Variants in POU2F1 observed in about 807,000 individuals in gnomAD.
POU2F1 encodes the protein POU class 2 homeobox 1, also known as POU domain, class 2, transcription factor 1.
Under a neutral mutation model 84.9 loss-of-function variants are expected in POU2F1, and 16 were observed. The observed-to-expected ratio is 0.19, with a 90% CI of 0.13 to 0.29. POU2F1 has a LOEUF of 0.29. Among genes scored for constraint, POU2F1 ranks in the 10% least tolerant of loss-of-function variants. The pLI is 1.00. For synonymous variants in POU2F1, 368 were observed against 368.3 expected (o/e 1.00, Z 0.01); for missense variants, 738 against 942.6 (o/e 0.78, Z 2.84).
intron 9 of POU2F1, among the ~76,000 whole-genome samples, chr1:167,392,873 C>G (rs1038799806): frequency 1.3e-5 from 2 of 152,186 alleles, no homozygotes; most frequent in Admixed American, 1.3e-4. Flanking sequence ...AAAGGTTGCT[C>G]TGTGTCCAAT....
chr1:167,312,621 A>G (rs1655579871), intron 1 of POU2F1, among the ~76,000 whole-genome samples: 1 of 152,136 alleles, frequency 6.6e-6, no homozygotes, highest in Non-Finnish European at 1.5e-5. Flanking sequence ...AGAAAAATAT[A>G]TTTTTATAAA....
chr1:167,241,346 A>AAGG (rs1649888165), intron 1 of POU2F1: 1 of 152,210 alleles, frequency 6.6e-6, no homozygotes, highest in Non-Finnish European at 1.5e-5. Context: ...GTGCCGGGTG[A>AAGG]AATAACTAAA....
In POU2F1 at chr1:167,414,360, T is replaced by A. The variant is rs936846038; in HGVS notation, c.1991-1140T>A. ...CATGATTGACACTCTGAAAAGATACTAAGTTTGGAATCTCAGAAAAACTTC... is the reference window on the plus strand; with the variant it reads ...CATGATTGACACTCTGAAAAGATACAAAGTTTGGAATCTCAGAAAAACTTC... On this transcript the variant is annotated intron_variant, in intron 15 of 15. Coordinates refer to ENST00000367866, the MANE Select transcript of POU2F1 (RefSeq NM_002697.4). The A allele has an allele frequency of 2.8e-5, 28 of 985,420 alleles. No individual in the cohort carries two copies. The African/African-American group carries it at 4.7e-4, about 17-fold the overall frequency. 61.0% of individuals were successfully genotyped at this position (985,420 alleles called of 1,614,324 possible).
chr1:167,220,908 G>A lies in POU2F1; in HGVS notation c.11G>A (p.Gly4Glu), dbSNP rs1571101526. 4.6e-6 allele frequency: 7 copies of A among 1,535,168 alleles called. No homozygotes were observed. The South Asian group carries it at 8.3e-5, about 18-fold the overall frequency. ...GTTAAAATATTCAAAATGGCGGACG[G>A]AGGAGCAGCGAGTCAAGATGAGAGT... MAD[G>E]GAASQDESSA... The change falls in exon 1 of 16, where the codon GGA (glycine) becomes GAA (glutamate). Residue 4 changes from glycine (G) to glutamate (E), a missense_variant. This residue lies in a region of POU2F1 where 161 missense variants were observed against 147.0 expected (regional missense o/e 1.10). Coordinates refer to ENST00000367866, the MANE Select transcript of POU2F1 (RefSeq NM_002697.4).
chr1:167,299,723 C>T lies in POU2F1; in HGVS notation c.62-32747C>T, dbSNP rs529303946. On this transcript the variant is annotated intron_variant, in intron 1 of 15. Coordinates refer to ENST00000367866, the MANE Select transcript of POU2F1 (RefSeq NM_002697.4). The stretch of plus-strand genomic sequence containing the variant: ...TTTTTTTTTTCATTTTATTTTGCTG[C>T]TGTTCCTCACCTAGTTCCAAAGAGT... Among the ~76,000 whole-genome samples, 17 of 129,556 alleles carry T rather than the reference C, an allele frequency of 1.3e-4. No individual in the cohort carries two copies. The South Asian group carries it at 2.8e-3, about 22-fold the overall frequency. The allele number at this position is 129,556 out of a possible 152,430, so 85.0% of individuals were successfully genotyped here. A position where few individuals can be genotyped will look rare whatever the true frequency, so the allele number is the denominator to read the frequency against.
At chr1:167,224,317 A>T (rs1369004250) in intron 1 of POU2F1, among the ~76,000 whole-genome samples, 1 of 152,184 alleles carries the variant, frequency 6.6e-6, no homozygotes, top group Non-Finnish European at 1.5e-5. Context: ...GCTAATGGAG[A>T]GACCATTTGC....
At chr1:167,349,447 A>G (rs1352523745) in intron 2 of POU2F1, among the ~76,000 whole-genome samples, 2 of 152,098 alleles carry the variant, frequency 1.3e-5, no homozygotes, top group Non-Finnish European at 2.9e-5. Context: ...CTGATATTCA[A>G]TATTTTTTCA....
intron 1 of POU2F1, among the ~76,000 whole-genome samples, chr1:167,326,757 T>C (rs1476180060): frequency 6.6e-6 from 1 of 152,092 alleles, no homozygotes; most frequent in Non-Finnish European, 1.5e-5. Flanking sequence ...ACTAGGAAGG[T>C]GCTGCTCCTG....
chr1:167,411,935 C>G (rs367920610), intron 13 of POU2F1, 24 bp from the exon 14 acceptor site: 5 of 1,590,742 alleles, frequency 3.1e-6, no homozygotes, highest in Non-Finnish European at 4.3e-6. Context: ...AAAAGGTCAT[C>G]TTCTAATCTG....
chr1:167,304,619 T>TG (rs1225913031), intron 1 of POU2F1, among the ~76,000 whole-genome samples: 8 of 152,206 alleles, frequency 5.3e-5, no homozygotes, highest in Non-Finnish European at 1.5e-5. Flanking sequence ...AGAAACCATA[T>TG]ATTCCTCCGT....
intron 1 of POU2F1, among the ~76,000 whole-genome samples, chr1:167,264,131 G>T (rs566514596): frequency 6.6e-6 from 1 of 152,118 alleles, no homozygotes; most frequent in East Asian, 1.9e-4. Context: ...AGTACTTTGA[G>T]GTACTTTAAG....
chr1:167,370,371 A>G (rs905307375), intron 4 of POU2F1, among the ~76,000 whole-genome samples, 157 bp downstream of exon 4: 1 of 152,188 alleles, frequency 6.6e-6, no homozygotes, highest in Non-Finnish European at 1.5e-5. Flanking sequence ...AATTATTACC[A>G]TTAATGAAAA....
intron 8 of POU2F1, 37 bp downstream of exon 8, chr1:167,383,988 A>G (rs1417063815): frequency 2.6e-6 from 4 of 1,524,460 alleles, no homozygotes; most frequent in East Asian, 2.3e-5. Flanking sequence ...TTCTCTTATC[A>G]TATTGTTTGG....
intron 2 of POU2F1, among the ~76,000 whole-genome samples, chr1:167,358,737 T>G (rs74119472): frequency 0.063 from 5,611 of 88,568 alleles, 468 homozygotes; most frequent in African/African-American, 0.12. Flanking sequence ...TTTTTTTTTT[T>G]GAGACAGGTT....
At chr1:167,312,876 T>C (rs1468557416) in intron 1 of POU2F1, among the ~76,000 whole-genome samples, 2 of 152,260 alleles carry the variant, frequency 1.3e-5, no homozygotes, top group Admixed American at 1.3e-4. Flanking sequence ...GTTTTAGAAA[T>C]ACTTGTTAGA....
intron 1 of POU2F1, among the ~76,000 whole-genome samples, chr1:167,227,124 T>C (rs1001125230): frequency 2.0e-5 from 3 of 152,148 alleles, no homozygotes; most frequent in Non-Finnish European, 4.4e-5. Flanking sequence ...TGGACATTTA[T>C]CCGGAGAGGA....
At chr1:167,247,655 A>G (rs1416468124) in intron 1 of POU2F1, among the ~76,000 whole-genome samples, 2 of 152,184 alleles carry the variant, frequency 1.3e-5, no homozygotes, top group East Asian at 3.8e-4. Context: ...TATACATACT[A>G]TTCCATACTG....
At chr1:167,234,059 G>T (rs1482100579) in intron 1 of POU2F1, among the ~76,000 whole-genome samples, 1 of 152,230 alleles carries the variant, frequency 6.6e-6, no homozygotes, top group Non-Finnish European at 1.5e-5. Flanking sequence ...GATTATAGCA[G>T]TAAGCAGTTA....
chr1:167,247,571 A>G (rs1231506453), intron 1 of POU2F1, among the ~76,000 whole-genome samples: 3 of 152,132 alleles, frequency 2.0e-5, no homozygotes, highest in African/African-American at 7.2e-5. Flanking sequence ...AGTACTTACT[A>G]GGCTTCTATC....
Sources: gnomAD v4.1 joint callset for allele counts (sites outside exome capture counted in the v4.1 genomes callset) on GRCh38, gnomAD v4.1.1 for gene constraint, gnomAD v4.1.1 regional missense constraint, MANE v1.5 for transcripts, NCBI Gene and HGNC (gene_info 2026-07-23, HGNC 2026-07-21) for gene names.